The following RSU1 variants were observed in gnomAD, a reference collection of about 807,000 sequenced individuals.
RSU1 encodes the protein rsu-1.
Under a neutral mutation model 31.1 loss-of-function variants are expected in RSU1, and 26 were observed. That is an observed-to-expected ratio of 0.84 (90% CI 0.61 to 1.16). The LOEUF (loss-of-function observed/expected upper bound fraction) is 1.16. RSU1 is among the 50% of genes most tolerant of loss of function. The pLI is 0.00. For synonymous variants in RSU1, 164 were observed against 136.3 expected (o/e 1.20, Z -1.41); for missense variants, 320 against 339.1 (o/e 0.94, Z 0.44).
At chr10:16,618,992 T>C (rs1339559594) in intron 8 of RSU1, among the ~76,000 whole-genome samples, 1 of 152,104 alleles carries the variant, frequency 6.6e-6, no homozygotes, top group Non-Finnish European at 1.5e-5. Context: ...TTTAAAAAAA[T>C]TATAAATAAA....
At chr10:16,804,168 G>A (rs1227380343) in intron 2 of RSU1, among the ~76,000 whole-genome samples, 1 of 152,096 alleles carries the variant, frequency 6.6e-6, no homozygotes, top group African/African-American at 2.4e-5. Flanking sequence ...AATCTGAATG[G>A]ACATCTCACC....
chr10:16,613,729 A>G (rs968829370), intron 8 of RSU1, among the ~76,000 whole-genome samples: 2 of 152,008 alleles, frequency 1.3e-5, no homozygotes, highest in African/African-American at 4.8e-5. Context: ...CTCTGTTACT[A>G]TACTTTCCTC....
intron 8 of RSU1, among the ~76,000 whole-genome samples, chr10:16,659,590 T>C (rs1834851950): frequency 6.6e-6 from 1 of 152,192 alleles, no homozygotes; most frequent in Non-Finnish European, 1.5e-5. Flanking sequence ...CCTGTTCCAT[T>C]GGTCTCTTTG....
chr10:16,760,749 C>T (rs543219959), intron 4 of RSU1, among the ~76,000 whole-genome samples: 1 of 152,078 alleles, frequency 6.6e-6, no homozygotes, highest in Non-Finnish European at 1.5e-5. Context: ...AAATCCCCCC[C>T]ACCTCCACTG....
rs745669193 is a variant in RSU1, at chr10:16,751,816, A to G, written c.598+723T>C. 6.2e-4 allele frequency among the ~76,000 whole-genome samples: 94 copies of G among 152,206 alleles called. 1 individual carries two copies. Among genetic ancestry groups the G allele is most frequent in the Admixed American group, 4.5e-3 (69 of 15,286 alleles). On this transcript the variant is annotated intron_variant, in intron 7 of 8. Coordinates refer to ENST00000345264, the MANE Select transcript of RSU1 (RefSeq NM_012425.4). The stretch of plus-strand genomic sequence containing the variant: ...CAAAGGACTGAAGAAATGAGAGGCT[A>G]TGGAGGGTCTGCACAAGAAAAGATA...
At chr10:16,626,395 G>T (rs925236750) in intron 8 of RSU1, among the ~76,000 whole-genome samples, 1 of 152,066 alleles carries the variant, frequency 6.6e-6, no homozygotes, top group East Asian at 1.9e-4. Flanking sequence ...TCCCTATGTT[G>T]CCCAGGCTGG....
chr10:16,772,607 T>C (rs1394274810), intron 3 of RSU1, among the ~76,000 whole-genome samples: 1 of 103,838 alleles, frequency 9.6e-6, no homozygotes, highest in Non-Finnish European at 1.8e-5. Context: ...CCTAGAAAAT[T>C]CCAAAACACT....
intron 8 of RSU1, among the ~76,000 whole-genome samples, chr10:16,630,494 G>C (rs1008478166): frequency 6.6e-6 from 1 of 152,078 alleles, no homozygotes; most frequent in Non-Finnish European, 1.5e-5. Flanking sequence ...TCAATCTTGC[G>C]TCACACAGCT....
At chr10:16,627,129 T>C (rs962289151) in intron 8 of RSU1, among the ~76,000 whole-genome samples, 31 of 152,348 alleles carry the variant, frequency 2.0e-4, no homozygotes, top group African/African-American at 7.0e-4. Flanking sequence ...CTAGTGTGAG[T>C]AGCTAGAACA....
intron 5 of RSU1, among the ~76,000 whole-genome samples, chr10:16,753,955 C>G (rs1274073830): frequency 1.3e-5 from 2 of 151,998 alleles, no homozygotes; most frequent in Non-Finnish European, 2.9e-5. Context: ...GAGACAGGGT[C>G]TCTCTATGTT....
At chr10:16,650,573 A>G (rs1274743470) in intron 8 of RSU1, among the ~76,000 whole-genome samples, 1 of 142,446 alleles carries the variant, frequency 7.0e-6, no homozygotes, top group Admixed American at 7.1e-5. Context: ...GAGTCCTGAA[A>G]AGCTTTTTTT....
intron 7 of RSU1, among the ~76,000 whole-genome samples, chr10:16,725,961 A>G (rs1033189306): frequency 2.0e-5 from 3 of 151,532 alleles, no homozygotes; most frequent in Non-Finnish European, 4.4e-5. Flanking sequence ...TTTGAAAATT[A>G]CAGTTTAAAA....
At chr10:16,764,988 G>T in intron 3 of RSU1, among the ~76,000 whole-genome samples, 1 of 150,912 alleles carries the variant, frequency 6.6e-6, no homozygotes, top group East Asian at 1.9e-4. Context: ...TGGCTAATGG[G>T]GGGGGAGAAA....
chr10:16,768,132 C>A (rs1035389579), intron 3 of RSU1, among the ~76,000 whole-genome samples: 4 of 152,168 alleles, frequency 2.6e-5, no homozygotes, highest in African/African-American at 9.7e-5. Context: ...TGATCTATGA[C>A]CCCAGCTGAC....
At chr10:16,636,402 A>G (rs1834345405) in intron 8 of RSU1, among the ~76,000 whole-genome samples, 1 of 152,052 alleles carries the variant, frequency 6.6e-6, no homozygotes. Context: ...TTCTTTGCCA[A>G]ACTCTGTCCC....
intron 2 of RSU1, among the ~76,000 whole-genome samples, chr10:16,797,948 G>A (rs749467664): frequency 8.6e-5 from 12 of 138,854 alleles, no homozygotes; most frequent in Non-Finnish European, 1.2e-4. Context: ...TGTAACCTCC[G>A]CCTCTCGGGT....
At chr10:16,613,835 A>T (rs975904091) in intron 8 of RSU1, among the ~76,000 whole-genome samples, 2 of 151,962 alleles carry the variant, frequency 1.3e-5, no homozygotes, top group Non-Finnish European at 2.9e-5. Flanking sequence ...ACCTTTCCCC[A>T]GACATGACAT....
chr10:16,796,037 C>A (rs1008456119), intron 2 of RSU1, among the ~76,000 whole-genome samples: 1 of 152,178 alleles, frequency 6.6e-6, no homozygotes, highest in Non-Finnish European at 1.5e-5. Context: ...GAGCTGGAAT[C>A]CTAAACCTGC....
At chr10:16,796,565 A>AC (rs1481933261) in intron 2 of RSU1, among the ~76,000 whole-genome samples, 1 of 152,152 alleles carries the variant, frequency 6.6e-6, no homozygotes, top group East Asian at 1.9e-4. Context: ...CAGCTTCAAA[A>AC]CAGACTATGC....
Sources: allele counts gnomAD v4.1 joint callset (sites outside exome capture counted in the v4.1 genomes callset), GRCh38; gene constraint gnomAD v4.1.1; transcripts MANE v1.5; gene names NCBI Gene and HGNC (gene_info 2026-07-23, HGNC 2026-07-21).